ADCY1: variants seen among roughly 807,000 people sequenced by gnomAD.
ADCY1 encodes the protein adenylate cyclase type 1.
Under a neutral mutation model 105.4 loss-of-function variants are expected in ADCY1, and 28 were observed. The ratio of observed to expected loss-of-function variants is 0.27; its 90% confidence interval spans 0.20 to 0.36. The LOEUF (loss-of-function observed/expected upper bound fraction) is 0.36. Among genes scored for constraint, ADCY1 ranks in the 10% least tolerant of loss-of-function variants. The probability of loss-of-function intolerance (pLI) is 1.00; values close to 1 mark genes in which losing one functional copy is unlikely to be tolerated. For missense variants in ADCY1, 977 were observed against 1,434.2 expected (o/e 0.68, Z 5.15); for synonymous variants, 655 against 623.8 (o/e 1.05, Z -0.75).
At position 45,575,143 on chromosome 7, in the gene ADCY1, C is replaced by T. The variant is rs780969675; in HGVS notation, c.600C>T (p.Ala200=). Residue 200 remains alanine, a synonymous_variant, in exon 1 of 20, where the codon GCC becomes GCT. Transcript: ENST00000297323. The surrounding 1 kb of genome is among the most constrained non-coding windows in gnomAD (Gnocchi z 4.7). Reference sequence around the variant, plus strand: ...CTGCGTCGCACTTGCTGGTCACAGCCACCTTGGTCCCCGCCAAGCGCCCAC... The same window carrying T: ...CTGCGTCGCACTTGCTGGTCACAGCTACCTTGGTCCCCGCCAAGCGCCCAC... ...VVAASHLLVT[A]TLVPAKRPRL... is the part of the protein sequence containing the mutation. 3.1e-6 allele frequency: 5 copies of T among 1,609,448 alleles called. No individual in the cohort carries two copies. Among genetic ancestry groups the T allele is most frequent in the Admixed American group, 1.7e-5 (1 of 59,586 alleles).
chr7:45,594,509 T>A (rs1793018556), intron 2 of ADCY1, among the ~76,000 whole-genome samples: 1 of 152,210 alleles, frequency 6.6e-6, no homozygotes, highest in African/African-American at 2.4e-5. Flanking sequence ...TTCCTTTTCT[T>A]TTCCTCTTTT....
chr7:45,628,925 T>C (rs1794146455), intron 4 of ADCY1, among the ~76,000 whole-genome samples: 1 of 152,180 alleles, frequency 6.6e-6, no homozygotes, highest in Admixed American at 6.5e-5. Context: ...CCCACTGTCC[T>C]AGGTGGCACA....
At chr7:45,630,862 A>T (rs1325782712) in intron 4 of ADCY1, among the ~76,000 whole-genome samples, 1 of 152,114 alleles carries the variant, frequency 6.6e-6, no homozygotes, top group African/African-American at 2.4e-5. Flanking sequence ...GCATTTACAG[A>T]TTCCAGAAAT....
intron 8 of ADCY1, among the ~76,000 whole-genome samples, chr7:45,663,516 G>T (rs148551521): frequency 6.6e-6 from 1 of 152,286 alleles, no homozygotes; most frequent in East Asian, 1.9e-4. Context: ...CAGCCAGGCG[G>T]GCGGGAGCTG....
rs1792263868 is a variant in ADCY1 at position 45,574,579 on chromosome 7, A to C, written c.36A>C (p.Gly12=). 3.0e-6 allele frequency: 3 copies of C among 1,000,100 alleles called. No homozygotes were observed. The highest frequency in any genetic ancestry group is 1.2e-4 in the Admixed American group (2 of 16,150). 62.0% of individuals were successfully genotyped at this position (1,000,100 alleles called of 1,614,324 possible). ...CGCCGCGCGGCGGAGGCGGCGGCGGAGGCGGCGCGGGCGAGCCCGGGGGCG... is the reference window on the plus strand; with the variant it reads ...CGCCGCGCGGCGGAGGCGGCGGCGGCGGCGGCGCGGGCGAGCCCGGGGGCG... ...AGAPRGGGGG[G]GGAGEPGGAE... The change falls in exon 1 of 20, where the codon GGA becomes GGC. Residue 12 remains glycine, a synonymous_variant. Coordinates refer to ENST00000297323, the MANE Select transcript of ADCY1 (RefSeq NM_021116.4). This position sits in a 1 kb window ranked among gnomAD's most constrained non-coding sequence, Gnocchi z 7.0.
intron 1 of ADCY1, among the ~76,000 whole-genome samples, chr7:45,583,994 C>G (rs1792645859): frequency 7.6e-6 from 1 of 131,254 alleles, no homozygotes; most frequent in African/African-American, 3.0e-5. Context: ...GTAGCCAAGG[C>G]TGGAGTGCAG....
At chr7:45,635,289 G>GT (rs1410428546) in intron 4 of ADCY1, among the ~76,000 whole-genome samples, 12 of 151,734 alleles carry the variant, frequency 7.9e-5, no homozygotes, top group Non-Finnish European at 1.3e-4. Flanking sequence ...TTGGCTACAA[G>GT]TTTATCAATT....
At chr7:45,625,991 T>C (rs1794051661) in intron 4 of ADCY1, among the ~76,000 whole-genome samples, 1 of 152,142 alleles carries the variant, frequency 6.6e-6, no homozygotes, top group African/African-American at 2.4e-5. Flanking sequence ...GAGAAGGAGA[T>C]TGAGGGTCAG....
At chr7:45,677,659 G>A (rs761881317) in intron 8 of ADCY1, among the ~76,000 whole-genome samples, 22 of 152,108 alleles carry the variant, frequency 1.4e-4, no homozygotes, top group Admixed American at 3.3e-4. Flanking sequence ...CCATAAAACC[G>A]CCATTACAGG....
chr7:45,707,081 C>A (rs2116269832), intron 17 of ADCY1, among the ~76,000 whole-genome samples: 1 of 152,308 alleles, frequency 6.6e-6, no homozygotes, highest in Middle Eastern at 3.4e-3. Flanking sequence ...TGTGGAGCAA[C>A]AGAAACTCTC....
chr7:45,625,397 G>GAT (rs1490450778), intron 4 of ADCY1, among the ~76,000 whole-genome samples: 1 of 152,228 alleles, frequency 6.6e-6, no homozygotes, highest in Non-Finnish European at 1.5e-5. Flanking sequence ...GGAGATGCCT[G>GAT]ATGGGTCAAG....
chr7:45,622,883 G>A, intron 4 of ADCY1, 140 bp downstream of exon 4: 1 of 678,368 alleles, frequency 1.5e-6, no homozygotes. Context: ...TAAATCACCT[G>A]TTGTTTTTAG....
At chr7:45,671,853 T>G (rs1008936970) in intron 8 of ADCY1, among the ~76,000 whole-genome samples, 5 of 152,176 alleles carry the variant, frequency 3.3e-5, no homozygotes, top group Non-Finnish European at 7.4e-5. Flanking sequence ...AGAGGTGTGG[T>G]TTGCAATTAT....
intron 12 of ADCY1, among the ~76,000 whole-genome samples, chr7:45,685,455 G>GGGAGTAACAGGATAGAAGTGGGGCA (rs1210318221): frequency 2.9e-4 from 44 of 151,896 alleles, no homozygotes; most frequent in African/African-American, 1.0e-3. Flanking sequence ...AGTTTGTAGT[G>GGGAGTAACAGGATAGAAGTGGGGCA]GGAGTAACAG....
rs1784636034 is a variant in ADCY1, at chr7:45,684,917, CTG to C, written c.1984-59_1984-58del. On this transcript the variant is annotated intron_variant, in intron 11 of 19. Transcript: ENST00000297323. The stretch of plus-strand genomic sequence containing the variant: ...CACATTCCACTATAGGAAGTATTAA[CTG>C]TGCACGTGAATCACCTTGGTAATCA... The C allele has an allele frequency of 6.2e-6, 9 of 1,442,064 alleles. No individual in the cohort carries two copies. The South Asian group carries it at 8.0e-5, about 13-fold the overall frequency. 89.3% of individuals were successfully genotyped at this position (1,442,064 alleles called of 1,614,324 possible).
Position 45,629,906 on chromosome 7 carries a change from T to C in ADCY1, c.1020+7163T>C, listed in dbSNP as rs1794188263. 2.0e-5 allele frequency among the ~76,000 whole-genome samples: 3 copies of C among 152,258 alleles called. No homozygotes were observed. The East Asian group carries it at 5.8e-4, about 29-fold the overall frequency. ...CCCATCAGCAGTGTGTGAGTTCCAG[T>C]TGCTCCGCATCCTCATCAGCACTTG... On this transcript the variant is annotated intron_variant, in intron 4 of 19. Coordinates refer to ENST00000297323, the MANE Select transcript of ADCY1 (RefSeq NM_021116.4).
Position 45,720,348 on chromosome 7 carries a change from T to TA in ADCY1, c.*6358dup, listed in dbSNP as rs1274840664. On this transcript the variant is annotated 3_prime_UTR_variant, in exon 20 of 20. Transcript: ENST00000297323. ...CAACATGGTGAAACCCCGTCTCTAC[T>TA]AAAAATACAAAAAAAAAATTAGCTG... is the stretch of plus-strand genomic sequence containing the variant. 6.6e-6 allele frequency: 1 copy of TA among 151,378 alleles called. No homozygotes were observed. The allele number at this position is 151,378 out of a possible 1,614,324, so 9.4% of individuals were successfully genotyped here.
intron 2 of ADCY1, among the ~76,000 whole-genome samples, chr7:45,596,045 A>G (rs1233402545): frequency 6.6e-6 from 1 of 152,194 alleles, no homozygotes; most frequent in Non-Finnish European, 1.5e-5. Context: ...TCTCTCAGCT[A>G]CACAGGCACT....
rs552474732 is a variant in ADCY1 at position 45,702,422 on chromosome 7, T to C, written c.2455-954T>C. On this transcript the variant is annotated intron_variant, in intron 14 of 19. Coordinates refer to ENST00000297323, the MANE Select transcript of ADCY1 (RefSeq NM_021116.4). ...GGGGAGCTGGCTTCCAAACCATGGC[T>C]TGTGGTGGCCAGGCCATGGGCCGCT... 3.9e-5 allele frequency among the ~76,000 whole-genome samples: 6 copies of C among 152,316 alleles called. No individual in the cohort carries two copies. In the South Asian group the frequency reaches 1.2e-3, roughly 32 times the overall value.
Sources: allele counts gnomAD v4.1 joint callset (sites outside exome capture counted in the v4.1 genomes callset), GRCh38; gene constraint gnomAD v4.1.1; non-coding constraint Gnocchi (gnomAD v3.1); transcripts MANE v1.5; gene names NCBI Gene and HGNC (gene_info 2026-07-23, HGNC 2026-07-21).